The following ALKBH5 variants were observed in gnomAD, a reference collection of about 807,000 sequenced individuals.
ALKBH5 encodes the protein RNA demethylase ALKBH5.
A neutral mutation model predicts 32.1 loss-of-function variants in ALKBH5; 2 were observed. The ratio of observed to expected loss-of-function variants is 0.06; its 90% CI spans 0.03 to 0.20. ALKBH5 has a LOEUF of 0.20. ALKBH5 is among the 10% of genes least tolerant of loss of function. The pLI is 1.00. For missense variants in ALKBH5, 352 were observed against 559.5 expected (o/e 0.63, Z 3.74); for synonymous variants, 300 against 231.7 (o/e 1.29, Z -2.68).
chr17:18,201,780 T>TAGATA (rs2142485453), intron 2 of ALKBH5, among the ~76,000 whole-genome samples: 1 of 111,846 alleles, frequency 8.9e-6, no homozygotes, highest in African/African-American at 3.1e-5. Flanking sequence ...GATAGATAGA[T>TAGATA]AGATAGGATA....
intron 1 of ALKBH5, among the ~76,000 whole-genome samples, chr17:18,185,797 G>A (rs541751376): frequency 2.6e-5 from 4 of 152,240 alleles, no homozygotes; most frequent in South Asian, 2.1e-4. Flanking sequence ...GGCCCCCAGA[G>A]GAGATTGCCA....
chr17:18,200,385 C>G (rs1229087898), intron 2 of ALKBH5, among the ~76,000 whole-genome samples: 2 of 152,090 alleles, frequency 1.3e-5, no homozygotes, highest in African/African-American at 4.8e-5. Context: ...TTAGGAGGCC[C>G]TCAGGATTGC....
At chr17:18,204,030 A>G (rs1238024707) in intron 2 of ALKBH5, among the ~76,000 whole-genome samples, 1 of 152,180 alleles carries the variant, frequency 6.6e-6, no homozygotes, top group Admixed American at 6.5e-5. Context: ...CTTTATGGGT[A>G]CCAGAGGAGG....
intron 1 of ALKBH5, among the ~76,000 whole-genome samples, chr17:18,191,673 G>A (rs1042390379): frequency 6.6e-6 from 1 of 152,152 alleles, no homozygotes; most frequent in Non-Finnish European, 1.5e-5. Flanking sequence ...TCAGGACTTA[G>A]AAACGTGCCT....
intron 1 of ALKBH5, among the ~76,000 whole-genome samples, chr17:18,188,994 G>A (rs894315172): frequency 2.0e-5 from 3 of 152,134 alleles, no homozygotes; most frequent in African/African-American, 7.2e-5. Context: ...TTGAACCCGG[G>A]AGGCGGAGGT....
At chr17:18,185,742 CTA>C (rs879696699) in intron 1 of ALKBH5, among the ~76,000 whole-genome samples, 3 of 152,222 alleles carry the variant, frequency 2.0e-5, no homozygotes, top group Non-Finnish European at 4.4e-5. Context: ...GGCTTTTGGC[CTA>C]TATTCGGTTC....
intron 1 of ALKBH5, among the ~76,000 whole-genome samples, chr17:18,194,007 A>G (rs1300153849): frequency 6.6e-6 from 1 of 152,176 alleles, no homozygotes; most frequent in Admixed American, 6.5e-5. Context: ...TTGCTTCCAG[A>G]GTTTCAAATT....
chr17:18,202,770 T>G (rs1026384842), intron 2 of ALKBH5, among the ~76,000 whole-genome samples: 9 of 151,876 alleles, frequency 5.9e-5, no homozygotes, highest in Non-Finnish European at 1.2e-4. Context: ...GCACTTTATT[T>G]TTTAATTAAA....
At chr17:18,185,098 T>A (rs1373263518) in intron 1 of ALKBH5, 85 bp downstream of exon 1, 30 of 1,526,570 alleles carry the variant, frequency 2.0e-5, no homozygotes, top group Admixed American at 4.1e-5. Context: ...CCCGTAGGAG[T>A]CTGCGTTTTT....
chr17:18,197,011 C>T (rs1229696867), intron 2 of ALKBH5, among the ~76,000 whole-genome samples: 1 of 152,194 alleles, frequency 6.6e-6, no homozygotes, highest in Non-Finnish European at 1.5e-5. Context: ...TAAACAATAA[C>T]TTTGGCATCC....
chr17:18,191,931 A>C (rs549403508), intron 1 of ALKBH5, among the ~76,000 whole-genome samples: 1 of 150,214 alleles, frequency 6.7e-6, no homozygotes, highest in East Asian at 1.9e-4. Context: ...CCTGGGCAAC[A>C]GAGTGAGACT....
In ALKBH5 at chr17:18,208,692, T is replaced by C. The variant is rs1010807289; in HGVS notation, c.*296T>C. On this transcript the variant is annotated 3_prime_UTR_variant, in exon 4 of 4. Transcript: ENST00000399138. ...TAGAGGTGGTGGAGCAGAGCAGCCATCTTTTAAGTGGGGCTGTATCAGGCT... is the reference window on the plus strand; with the variant it reads ...TAGAGGTGGTGGAGCAGAGCAGCCACCTTTTAAGTGGGGCTGTATCAGGCT... The C allele has an allele frequency of 1.7e-5, 9 of 517,000 alleles. No homozygotes were observed. The highest frequency in any genetic ancestry group is 1.3e-4 in the South Asian group (7 of 54,498). 32.0% of individuals were successfully genotyped at this position (517,000 alleles called of 1,614,324 possible). A position where few individuals can be genotyped will look rare whatever the true frequency, so the allele number is the denominator to read the frequency against.
At chr17:18,192,972 C>T (rs1049432378) in intron 1 of ALKBH5, among the ~76,000 whole-genome samples, 2 of 151,280 alleles carry the variant, frequency 1.3e-5, no homozygotes, top group African/African-American at 4.9e-5. Flanking sequence ...GATTCTCCTG[C>T]CTCAGCCTCT....
chr17:18,184,404 C>G lies in ALKBH5; in HGVS notation c.161C>G (p.Ser54Cys), dbSNP rs769720160. 6.4e-7 allele frequency: 1 copy of G among 1,568,420 alleles called. No homozygotes were observed. The highest frequency in any genetic ancestry group is 8.6e-7 in the Non-Finnish European group (1 of 1,157,602). The change falls in exon 1 of 4, where the codon TCC becomes TGC. Residue 54 changes from serine (S) to cysteine (C), a missense_variant. This residue lies in a region of ALKBH5 where 144 missense variants were observed against 125.8 expected (regional missense o/e 1.14). Transcript: ENST00000399138. ...GCTGCCGCCGAACCTTACCCTGTGT[C>G]CGGGGCCAAGCGCAAGTATCAGGAG... ...AAAAAEPYPV[S>C]GAKRKYQEDS...
chr17:18,206,637 T>C, intron 2 of ALKBH5, 178 bp from the exon 3 acceptor site: 1 of 675,598 alleles, frequency 1.5e-6, no homozygotes, highest in Non-Finnish European at 2.6e-6. Context: ...GAGGAGGGTC[T>C]TTGAAAGTCA....
At position 18,184,372 on chromosome 17, in the gene ALKBH5, A is replaced by T. The variant is rs1029992487; in HGVS notation, c.129A>T (p.Ala43=). ...AAAAAVAAAA[A]AAAAAEPYPV... is the part of the protein sequence containing the mutation. Reference sequence around the variant, plus strand: ...CAGCCGCCGTAGCCGCCGCAGCCGCAGCCGCCGCTGCCGCCGAACCTTACC... The same window carrying T: ...CAGCCGCCGTAGCCGCCGCAGCCGCTGCCGCCGCTGCCGCCGAACCTTACC... The change falls in exon 1 of 4, where the codon GCA becomes GCT. Residue 43 remains alanine, a synonymous_variant. Transcript: ENST00000399138. 6.6e-7 allele frequency: 1 copy of T among 1,517,012 alleles called. No individual in the cohort carries two copies. The highest frequency in any genetic ancestry group is 8.8e-7 in the Non-Finnish European group (1 of 1,135,372). 94.0% of individuals were successfully genotyped at this position (1,517,012 alleles called of 1,614,324 possible). A position where few individuals can be genotyped will look rare whatever the true frequency, so the allele number is the denominator to read the frequency against.
rs1327913016 is a variant in ALKBH5 at position 18,201,827 on chromosome 17, AGATAGATAGATGATAGATAGATTGATT to A, written c.852-4984_852-4958del. 2.2e-3 allele frequency among the ~76,000 whole-genome samples: 222 copies of A among 101,146 alleles called. 1 individual carries two copies. Among genetic ancestry groups the A allele is most frequent in the South Asian group, 2.9e-3 (10 of 3,460 alleles). 66.4% of individuals were successfully genotyped at this position (101,146 alleles called of 152,430 possible). Reference sequence around the variant, plus strand: ...TAGATAGATAGATAGATAGATAGATAGATAGATAGATGATAGATAGATTGATTGATTGATTTAAAAAACCAGGTGTGG... The same window carrying A: ...TAGATAGATAGATAGATAGATAGATAGATTGATTTAAAAAACCAGGTGTGG... On this transcript the variant is annotated intron_variant, in intron 2 of 3. Transcript: ENST00000399138.
chr17:18,183,991 C>A lies in ALKBH5; in HGVS notation c.-253C>A, dbSNP rs980097787. The A allele has an allele frequency of 2.8e-5, 18 of 648,214 alleles. No homozygotes were observed. Among genetic ancestry groups the A allele is most frequent in the Non-Finnish European group, 4.8e-5 (17 of 353,398 alleles). 40.2% of individuals were successfully genotyped at this position (648,214 alleles called of 1,614,324 possible). ...CCGCGGCATGAGGCGCTGCCGGCGC[C>A]CCTGCCCCGCGGGACGTGGAGAAGG... On this transcript the variant is annotated 5_prime_UTR_variant, in exon 1 of 4. Transcript: ENST00000399138.
chr17:18,192,854 C>CTTTTTTTTTTT (rs201150139), intron 1 of ALKBH5, among the ~76,000 whole-genome samples: 48 of 115,580 alleles, frequency 4.2e-4, no homozygotes, highest in Non-Finnish European at 5.3e-4. Context: ...CTGTCTTTTT[C>CTTTTTTTTTTT]TTTTTTTTTT....
Sources: allele counts gnomAD v4.1 joint callset (sites outside exome capture counted in the v4.1 genomes callset), GRCh38; gene constraint gnomAD v4.1.1; regional missense constraint gnomAD v4.1.1; transcripts MANE v1.5; gene names NCBI Gene and HGNC (gene_info 2026-07-23, HGNC 2026-07-21).